Variants in UNC93A observed in about 807,000 individuals in gnomAD.
UNC93A encodes N-acetylglucosamine transporter UNC93A.
UNC93A carries 43 observed loss-of-function variants against 47.5 expected under a neutral mutation model. The ratio of observed to expected loss-of-function variants is 0.91; its 90% CI spans 0.71 to 1.17. The LOEUF is 1.17. Among genes scored for constraint, UNC93A ranks in the 50% most tolerant of loss-of-function variants. The pLI is 0.00. For missense variants in UNC93A, 605 were observed against 577.6 expected (o/e 1.05, Z -0.49); for synonymous variants, 280 against 258.0 (o/e 1.09, Z -0.82).
chr6:167,297,846 T>G, intron 3 of UNC93A, 99 bp from the exon 4 acceptor site: 1 of 1,474,502 alleles, frequency 6.8e-7, no homozygotes, highest in Non-Finnish European at 9.2e-7. Context: ...TCCCCCCAGG[T>G]GTCCAATGTC....
rs1778666620 is a variant in UNC93A at position 167,315,372 on chromosome 6, G to A, written c.1294G>A (p.Glu432Lys). The A allele has an allele frequency of 6.2e-7, 1 of 1,613,858 alleles. No homozygotes were observed. The highest frequency in any genetic ancestry group is 1.3e-5 in the African/African-American group (1 of 74,898). Residue 432 changes from glutamate to lysine, a missense_variant, in exon 8 of 8, where the codon GAG (glutamate) becomes AAG (lysine). By Grantham distance (56) the Glu-to-Lys change is moderately conservative. Coordinates refer to ENST00000230256, the MANE Select transcript of UNC93A (RefSeq NM_018974.4). ...GGCGTATGGGCTTGTGGAGTGCGTG[G>A]AGTCCAAGAACCCGATCAGACCCCA... ...MVAYGLVECV[E>K]SKNPIRPHAP...
chr6:167,291,687 C>G, intron 1 of UNC93A, 111 bp downstream of exon 1: 3 of 990,804 alleles, frequency 3.0e-6, no homozygotes, highest in Non-Finnish European at 4.5e-6. Flanking sequence ...CCTGGTGTTT[C>G]TTTTTCACTC....
chr6:167,295,727 T>TCGTGCTCCTCGCCTG (rs1562350653), intron 2 of UNC93A, among the ~76,000 whole-genome samples: 1,006 of 47,818 alleles, frequency 0.021, 157 homozygotes, highest in East Asian at 0.033. Context: ...CTCCTCGCCT[T>TCGTGCTCCTCGCCTG]CCTCGTGCTC....
upstream of UNC93A, among the ~76,000 whole-genome samples, chr6:167,286,674 A>T (rs2981957): frequency 0.38 from 58,079 of 151,880 alleles, 11,447 homozygotes; most frequent in African/African-American, 0.46. Context: ...GATAGAAAAA[A>T]TACCTAGAAA....
At chr6:167,270,450 G>A (rs1294044150), upstream of UNC93A, among the ~76,000 whole-genome samples, 2 of 152,122 alleles carry the variant, frequency 1.3e-5, no homozygotes, top group East Asian at 1.9e-4. Flanking sequence ...TCAGTGGGAT[G>A]AGGGAGCAGG....
Position 167,296,187 on chromosome 6 carries a change from T to C in UNC93A, c.425T>C (p.Phe142Ser). The change falls in exon 3 of 8, where the codon TTC (phenylalanine) becomes TCC (serine). Residue 142 changes from phenylalanine (F) to serine (S), a missense_variant. Phe to Ser is a radical substitution (Grantham distance 155). Coordinates refer to ENST00000230256, the MANE Select transcript of UNC93A (RefSeq NM_018974.4). ...GTGAACCAGTATTTTGGCATCTTCT[T>C]CCTCATATTCCAGTCATCCGGTGTG... ...DMVNQYFGIFFLIFQSSGVWG... is the reference protein window; with the variant it reads ...DMVNQYFGIFSLIFQSSGVWG... 6.2e-7 allele frequency: 1 copy of C among 1,614,244 alleles called. No homozygotes were observed. Among genetic ancestry groups the C allele is most frequent in the Non-Finnish European group, 8.5e-7 (1 of 1,180,050 alleles).
rs1365992097 is a variant in UNC93A at position 167,276,758 on chromosome 6, C to A, written c.-52+5300C>A. ...GTTGTTTGTCCTCCCTTTCTCAAGT[C>A]TAAGCAAAAAAAATGTATTTATGGG... On this transcript the variant is annotated intron_variant, in intron 1 of 3. Coordinates refer to the UNC93A transcript ENST00000503433. Among the ~76,000 whole-genome samples, 4 of 148,302 alleles carry A rather than the reference C, an allele frequency of 2.7e-5. No homozygotes were observed. In the East Asian group the frequency reaches 8.4e-4, roughly 31 times the overall value.
chr6:167,287,913 C>T (rs530365954), upstream of UNC93A, among the ~76,000 whole-genome samples: 2 of 152,314 alleles, frequency 1.3e-5, no homozygotes, highest in African/African-American at 4.8e-5. Flanking sequence ...AGCTGCTGCT[C>T]TCCTTCATTC....
chr6:167,305,936 G>T lies in UNC93A; in HGVS notation c.862G>T (p.Gly288Cys). Residue 288 changes from glycine to cysteine, a missense_variant, in exon 6 of 8, where the codon GGC becomes TGC. Coordinates refer to ENST00000230256, the MANE Select transcript of UNC93A (RefSeq NM_018974.4). ...CCAGTCCTATGTCACCTGCACCCTG[G>T]GCATCCAGTTCGTCGGCTACGTGAT... ...YTRSYVTCTL[G>C]IQFVGYVMIC... 3 of 1,614,126 alleles carry T rather than the reference G, an allele frequency of 1.9e-6. No individual in the cohort carries two copies. Among genetic ancestry groups the T allele is most frequent in the Non-Finnish European group, 2.5e-6 (3 of 1,180,030 alleles).
chr6:167,297,959 G>A lies in UNC93A; in HGVS notation c.514G>A (p.Glu172Lys), dbSNP rs1309912451. 1.2e-6 allele frequency: 2 copies of A among 1,613,870 alleles called. No homozygotes were observed. Among genetic ancestry groups the A allele is most frequent in the East Asian group, 2.2e-5 (1 of 44,898 alleles). ...QTPSQETLPEEQLTSCGASDC... is the reference protein window; with the variant it reads ...QTPSQETLPEKQLTSCGASDC... ...TGACTTCATAGAGACCCTTCCAGAA[G>A]AGCAGCTCACGTCCTGTGGGGCCAG... Residue 172 changes from glutamate (E) to lysine (K), a missense_variant, in exon 4 of 8, where the codon GAG becomes AAG. Transcript: ENST00000230256.
At chr6:167,273,421 G>C (rs1235307694) in intron 1 of UNC93A, among the ~76,000 whole-genome samples, 6 of 152,216 alleles carry the variant, frequency 3.9e-5, no homozygotes, top group Non-Finnish European at 8.8e-5. Flanking sequence ...CTGTGACTCT[G>C]ACCCTGTACC....
At chr6:167,290,419 A>G (rs1341262109), upstream of UNC93A, among the ~76,000 whole-genome samples, 5 of 152,164 alleles carry the variant, frequency 3.3e-5, no homozygotes, top group East Asian at 1.9e-4. Context: ...GATTTGCCTT[A>G]TAGATCTAAT....
At chr6:167,311,304 G>A (rs1778550138) in intron 7 of UNC93A, among the ~76,000 whole-genome samples, 1 of 152,152 alleles carries the variant, frequency 6.6e-6, no homozygotes, top group Admixed American at 6.5e-5. Flanking sequence ...CTTAGAAGCA[G>A]GTCAGAAGAC....
chr6:167,294,478 C>A (rs1010386391), intron 1 of UNC93A, 39 bp from the exon 2 acceptor site: 31 of 1,610,120 alleles, frequency 1.9e-5, no homozygotes, highest in Non-Finnish European at 2.5e-5. Context: ...CCCGCTGTGT[C>A]CATCCTGTGC....
chr6:167,295,489 G>A (rs372572155), intron 2 of UNC93A, among the ~76,000 whole-genome samples: 1 of 77,550 alleles, frequency 1.3e-5, no homozygotes, highest in Non-Finnish European at 2.1e-5. Context: ...CGTGAACCTC[G>A]CCTCCCTCGT....
In UNC93A at chr6:167,307,625, G is replaced by A. The variant is rs144401999; in HGVS notation, c.977-154G>A. 2.7e-3 allele frequency among the ~76,000 whole-genome samples: 408 copies of A among 152,218 alleles called. 1 individual carries two copies. Among genetic ancestry groups the A allele is most frequent in the African/African-American group, 9.3e-3 (386 of 41,488 alleles). ...GATGGTTCCAGAGGACAATTCCAGA[G>A]GACGGTTGAGATGGTTGAGATGGTT... On this transcript the variant is annotated intron_variant, in intron 6 of 7. Transcript: ENST00000230256.
Position 167,307,426 on chromosome 6 carries a change from G to A in UNC93A, c.977-353G>A, listed in dbSNP as rs149950129. On this transcript the variant is annotated intron_variant, in intron 6 of 7. Coordinates refer to ENST00000230256, the MANE Select transcript of UNC93A (RefSeq NM_018974.4). ...GACAGTTCCAGAGGATGGTTGAGAC[G>A]GTTGAGATGGTTGAGACAGTTCCAG... 3.3e-3 allele frequency among the ~76,000 whole-genome samples: 366 copies of A among 111,432 alleles called. 4 individuals are homozygous for A. The highest frequency in any genetic ancestry group is 0.013 in the African/African-American group (345 of 26,426). 73.1% of individuals were successfully genotyped at this position (111,432 alleles called of 152,430 possible).
At chr6:167,314,598 C>T (rs2070938036) in intron 7 of UNC93A, among the ~76,000 whole-genome samples, 1 of 152,230 alleles carries the variant, frequency 6.6e-6, no homozygotes, top group Admixed American at 6.5e-5. Context: ...AAAAGTCTAG[C>T]TGGGAACTGC....
chr6:167,310,171 C>T (rs1471552835), intron 7 of UNC93A, among the ~76,000 whole-genome samples: 1 of 152,224 alleles, frequency 6.6e-6, no homozygotes, highest in Non-Finnish European at 1.5e-5. Context: ...ACTGAGCTCC[C>T]CAAATGCACA....
Sources: gnomAD v4.1 joint callset for allele counts (sites outside exome capture counted in the v4.1 genomes callset) on GRCh38, gnomAD v4.1.1 for gene constraint, MANE v1.5 for transcripts, NCBI Gene and HGNC (gene_info 2026-07-23, HGNC 2026-07-21) for gene names.